DTD1: variants seen among roughly 807,000 people sequenced by gnomAD.
The protein encoded by DTD1 is D-tyrosyl-tRNA deacylase 1 homolog.
In DTD1, 13 loss-of-function variants were observed where a neutral mutation model predicts 25.6. The observed-to-expected ratio is 0.51, with a 90% confidence interval of 0.33 to 0.81. DTD1 has a LOEUF of 0.81. DTD1 is among the 30% of genes least tolerant of loss of function. The pLI is 0.02. For synonymous variants in DTD1, 110 were observed against 103.6 expected (o/e 1.06, Z -0.37); for missense variants, 193 against 266.4 (o/e 0.72, Z 1.92).
chr20:18,752,321 A>T (rs1469154831), intron 5 of DTD1, among the ~76,000 whole-genome samples: 2 of 152,042 alleles, frequency 1.3e-5, no homozygotes, highest in Admixed American at 1.3e-4. Flanking sequence ...CCAATTATAT[A>T]TATGGTACAT....
At chr20:18,694,980 C>T (rs139644365) in intron 4 of DTD1, among the ~76,000 whole-genome samples, 14 of 152,168 alleles carry the variant, frequency 9.2e-5, no homozygotes, top group South Asian at 2.1e-4. Flanking sequence ...AAACGCCCGA[C>T]GTATAGTATA....
At chr20:18,744,304 A>G in intron 5 of DTD1, 33 bp downstream of exon 5, 2 of 1,599,968 alleles carry the variant, frequency 1.3e-6, no homozygotes, top group Non-Finnish European at 1.7e-6. Flanking sequence ...TCATCTTCCC[A>G]CATTTTGGGG....
chr20:18,732,697 A>C (rs2061242629), intron 4 of DTD1, among the ~76,000 whole-genome samples: 1 of 152,234 alleles, frequency 6.6e-6, no homozygotes. Context: ...CAGCAACATA[A>C]TACAAAACCC....
intron 4 of DTD1, among the ~76,000 whole-genome samples, chr20:18,695,504 C>CCCTTT (rs2061070765): frequency 3.1e-4 from 1 of 3,278 alleles, no homozygotes; most frequent in Non-Finnish European, 7.6e-4. Flanking sequence ...CCTTTCCCTT[C>CCCTTT]CCTTCCCTTC....
intron 4 of DTD1, among the ~76,000 whole-genome samples, chr20:18,724,079 T>TGCCTCC (rs2061215035): frequency 2.0e-5 from 3 of 152,212 alleles, no homozygotes; most frequent in Non-Finnish European, 1.5e-5. Context: ...CTTTTAAGAC[T>TGCCTCC]TTCCTGGAAG....
rs1224752002 is a variant in DTD1 at position 18,749,699 on chromosome 20, C to A, written c.*19+5428C>A. 1.3e-5 allele frequency among the ~76,000 whole-genome samples: 2 copies of A among 152,198 alleles called. No homozygotes were observed. Among genetic ancestry groups the A allele is most frequent in the Non-Finnish European group, 2.9e-5 (2 of 68,028 alleles). On this transcript the variant is annotated intron_variant, in intron 5 of 5. Coordinates refer to ENST00000377452, the MANE Select transcript of DTD1 (RefSeq NM_080820.6). The surrounding 1 kb of genome is among the most constrained non-coding windows in gnomAD (Gnocchi z 4.2). Reference sequence around the variant, plus strand: ...GAGACACCAAACTTCAAGTAGCCCACCGTCCCTCAGTGGTGCAGTGTCAGG... The same window carrying A: ...GAGACACCAAACTTCAAGTAGCCCAACGTCCCTCAGTGGTGCAGTGTCAGG...
chr20:18,713,138 G>A lies in DTD1; in HGVS notation c.478-30962G>A, dbSNP rs963124772. Among the ~76,000 whole-genome samples, 26 of 152,282 alleles carry A rather than the reference G, an allele frequency of 1.7e-4. No homozygotes were observed. In the East Asian group the frequency reaches 1.9e-3, roughly 11 times the overall value. On this transcript the variant is annotated intron_variant, in intron 4 of 5. Transcript: ENST00000377452. ...GGCCTCCTGCCGAGGCTGGCCCTCC[G>A]GGCATCTTTTGCAGAGGTCACTCTT...
chr20:18,589,108 T>C (rs994091307), intron 1 of DTD1, among the ~76,000 whole-genome samples: 3 of 152,102 alleles, frequency 2.0e-5, no homozygotes, highest in African/African-American at 7.2e-5. Flanking sequence ...CCCAGCTCTT[T>C]GGGAGGCCAA....
At chr20:18,698,503 G>A (rs570512813) in intron 4 of DTD1, 11 of 152,358 alleles carry the variant, frequency 7.2e-5, no homozygotes, top group African/African-American at 2.4e-4. Flanking sequence ...GTGGACAGTG[G>A]GAAACCATTG....
chr20:18,702,744 CAAAAAAAAA>C (rs10583250), intron 4 of DTD1, among the ~76,000 whole-genome samples: 2 of 123,116 alleles, frequency 1.6e-5, no homozygotes, highest in African/African-American at 3.1e-5. Flanking sequence ...TGGAATGAGG[CAAAAAAAAA>C]AAAAAAAAAG....
chr20:18,715,986 GA>G lies in DTD1; in HGVS notation c.478-28113del, dbSNP rs2061179042. Among the ~76,000 whole-genome samples the G allele has an allele frequency of 5.3e-5, 8 of 152,282 alleles. No homozygotes were observed. In the South Asian group the frequency reaches 1.7e-3, roughly 32 times the overall value. On this transcript the variant is annotated intron_variant, in intron 4 of 5. Transcript: ENST00000377452. ...ACACAAATTGAGTGATTTGAGGTTG[GA>G]CCCCCTTACTGTACTGTTGAGTTTG...
rs114040395 is a variant in DTD1, at chr20:18,636,238, G to A, written c.477+8005G>A. ...TTTATTCTGAAGGGAGAGAGGTAGAGTTTTTCCTTCCATGGATTTATACAT... is the reference window on the plus strand; with the variant it reads ...TTTATTCTGAAGGGAGAGAGGTAGAATTTTTCCTTCCATGGATTTATACAT... On this transcript the variant is annotated intron_variant, in intron 4 of 5. Transcript: ENST00000377452. Among the ~76,000 whole-genome samples, 363 of 152,276 alleles carry A rather than the reference G, an allele frequency of 2.4e-3. 1 individual carries two copies. Among genetic ancestry groups the A allele is most frequent in the African/African-American group, 8.2e-3 (342 of 41,540 alleles).
At chr20:18,755,224 C>T (rs75441389) in intron 5 of DTD1, among the ~76,000 whole-genome samples, 5,575 of 152,120 alleles carry the variant, frequency 0.037, 219 homozygotes, top group African/African-American at 0.091. Flanking sequence ...CCAAAATACC[C>T]GAAGAAGAAA....
At chr20:18,763,067 T>G (rs555643367) in intron 5 of DTD1, among the ~76,000 whole-genome samples, 2 of 152,340 alleles carry the variant, frequency 1.3e-5, no homozygotes, top group South Asian at 4.1e-4. Context: ...GCCTGGTGAC[T>G]TCTCTTTGAT....
chr20:18,591,767 A>C (rs186841805), intron 1 of DTD1, among the ~76,000 whole-genome samples: 24 of 152,308 alleles, frequency 1.6e-4, no homozygotes, highest in Admixed American at 1.3e-3. Context: ...ATGTTGATTT[A>C]TTCAAAGAAC....
rs193023190 is a variant in DTD1, at chr20:18,646,828, C to T, written c.477+18595C>T. ...ATGGTTTTGAAATCTCCACTGGGGA[C>T]CCTTAGGAACTTTGCAGGCATCAGT... is the stretch of plus-strand genomic sequence containing the variant. On this transcript the variant is annotated intron_variant, in intron 4 of 5. Transcript: ENST00000377452. 8.3e-4 allele frequency among the ~76,000 whole-genome samples: 126 copies of T among 152,292 alleles called. 1 individual carries two copies. The highest frequency in any genetic ancestry group is 7.4e-4 in the Non-Finnish European group (50 of 68,026).
chr20:18,755,116 T>A (rs2061333936), intron 5 of DTD1, among the ~76,000 whole-genome samples: 1 of 152,220 alleles, frequency 6.6e-6, no homozygotes. Context: ...TAGTAGGGAA[T>A]AGAAATTCCT....
At chr20:18,706,609 C>T (rs978601358) in intron 4 of DTD1, among the ~76,000 whole-genome samples, 3 of 152,098 alleles carry the variant, frequency 2.0e-5, no homozygotes, top group Admixed American at 6.6e-5. Flanking sequence ...AAACAAGAGT[C>T]GTTGCTTTGA....
intron 4 of DTD1, among the ~76,000 whole-genome samples, chr20:18,724,710 T>G (rs979250964): frequency 7.9e-5 from 12 of 152,252 alleles, no homozygotes; most frequent in African/African-American, 2.7e-4. Flanking sequence ...ACTTTCATTT[T>G]TCTTCAAATT....
Sources: allele counts gnomAD v4.1 joint callset (sites outside exome capture counted in the v4.1 genomes callset), GRCh38; gene constraint gnomAD v4.1.1; non-coding constraint Gnocchi (gnomAD v3.1); transcripts MANE v1.5; gene names NCBI Gene and HGNC (gene_info 2026-07-23, HGNC 2026-07-21).